Variants in RELN observed in about 807,000 individuals in gnomAD.
RELN encodes the protein reelin.
RELN carries 108 observed loss-of-function variants against 427.6 expected under a neutral mutation model. That is an observed-to-expected ratio of 0.25 (90% confidence interval 0.22 to 0.30). The LOEUF is 0.30. Among genes scored for constraint, RELN ranks in the 10% least tolerant of loss-of-function variants. The probability of loss-of-function intolerance (pLI) is 1.00; values close to 1 mark genes in which losing one functional copy is unlikely to be tolerated. For missense variants in RELN, 3,715 were observed against 4,302.8 expected, an observed-to-expected ratio of 0.86 and a Z score of 3.82; for synonymous variants, 1,524 against 1,513.4, an observed-to-expected ratio of 1.01 and a Z score of -0.16.
At chr7:103,604,002 A>AGTGG (rs138179727) in intron 23 of RELN, among the ~76,000 whole-genome samples, 3,180 of 152,220 alleles carry the variant, frequency 0.021, 45 homozygotes, top group Non-Finnish European at 0.03. Flanking sequence ...CTTCTGGTGA[A>AGTGG]GTGGTGTAAG....
intron 1 of RELN, among the ~76,000 whole-genome samples, chr7:103,984,840 A>T (rs1797064213): frequency 1.3e-5 from 2 of 152,214 alleles, no homozygotes; most frequent in South Asian, 4.1e-4. Context: ...TACTTTAGTA[A>T]TGGCAAATTA....
At chr7:103,711,650 C>T (rs903569417) in intron 8 of RELN, among the ~76,000 whole-genome samples, 4 of 152,028 alleles carry the variant, frequency 2.6e-5, no homozygotes, top group Non-Finnish European at 5.9e-5. Flanking sequence ...GCTATATTTA[C>T]ACACACAAAA....
chr7:103,701,065 CT>C, intron 8 of RELN, 59 bp from the exon 9 acceptor site: 1 of 945,936 alleles, frequency 1.1e-6, no homozygotes, highest in South Asian at 1.3e-5. Flanking sequence ...TACATATTAT[CT>C]TTTCTGATAA....
intron 6 of RELN, among the ~76,000 whole-genome samples, chr7:103,735,136 A>G (rs1490980662): frequency 6.6e-6 from 1 of 152,184 alleles, no homozygotes; most frequent in Non-Finnish European, 1.5e-5. Flanking sequence ...AAAAACTAGG[A>G]TCAAACCATA....
At chr7:103,739,046 C>A (rs1420496866) in intron 6 of RELN, among the ~76,000 whole-genome samples, 1 of 152,156 alleles carries the variant, frequency 6.6e-6, no homozygotes. Flanking sequence ...GACAATAATT[C>A]ATTCCTCTTT....
intron 2 of RELN, among the ~76,000 whole-genome samples, chr7:103,880,160 A>C (rs1302006373): frequency 6.6e-6 from 1 of 151,982 alleles, no homozygotes; most frequent in Non-Finnish European, 1.5e-5. Flanking sequence ...TGGCTGATTT[A>C]AGAAGCAGGT....
chr7:103,775,597 A>T (rs992756591), intron 4 of RELN, among the ~76,000 whole-genome samples: 1 of 152,210 alleles, frequency 6.6e-6, no homozygotes, highest in Admixed American at 6.5e-5. Flanking sequence ...TAATTCTAAA[A>T]GTTAACAAAT....
chr7:103,594,244 C>T (rs1831486616), intron 26 of RELN, 77 bp downstream of exon 26: 8 of 1,407,662 alleles, frequency 5.7e-6, no homozygotes, highest in Non-Finnish European at 8.1e-6. Context: ...AGCACTAAAT[C>T]CTTAAGGAAA....
Position 103,697,854 on chromosome 7 carries a change from T to G in RELN, c.1142A>C (p.Lys381Thr). ...CCAAAAACTAAAAAGAGCTCTAACCTTAACTGTAGCTCCTGGGAAGAAAAG... is the reference window on the plus strand; with the variant it reads ...CCAAAAACTAAAAAGAGCTCTAACCGTAACTGTAGCTCCTGGGAAGAAAAG... Reference protein sequence around the residue: ...NWLFFPGATVKHSCQSDGNSI... With the variant: ...NWLFFPGATVTHSCQSDGNSI... The change falls in exon 10 of 65, where the codon AAG becomes ACG. Residue 381 changes from lysine (K) to threonine (T), a missense_variant and splice_region_variant. By Grantham distance (78) the Lys-to-Thr change is moderately conservative. Transcript: ENST00000428762. 2.5e-6 allele frequency: 4 copies of G among 1,613,616 alleles called. No homozygotes were observed. The highest frequency in any genetic ancestry group is 3.4e-6 in the Non-Finnish European group (4 of 1,179,706).
Position 103,743,771 on chromosome 7 carries a change from G to A in RELN, c.656+5655C>T, listed in dbSNP as rs574348908. Among the ~76,000 whole-genome samples the A allele has an allele frequency of 6.1e-4, 93 of 152,146 alleles. 2 individuals carry two copies. The highest frequency in any genetic ancestry group is 2.2e-3 in the African/African-American group (92 of 41,502). On this transcript the variant is annotated intron_variant, in intron 6 of 64. Coordinates refer to ENST00000428762, the MANE Select transcript of RELN (RefSeq NM_005045.4). ...CACCCAGATTCATAAAGCAAGTCCT[G>A]AGTGACCTACAAAGAGACTTAGACT...
intron 10 of RELN, among the ~76,000 whole-genome samples, chr7:103,689,792 A>C (rs1232631086): frequency 6.9e-6 from 1 of 144,428 alleles, no homozygotes; most frequent in Non-Finnish European, 1.6e-5. Context: ...GCAGCTCTTG[A>C]TGATAACTTG....
At chr7:103,582,683 A>G (rs1161233891) in intron 28 of RELN, among the ~76,000 whole-genome samples, 2 of 152,192 alleles carry the variant, frequency 1.3e-5, no homozygotes, top group Non-Finnish European at 2.9e-5. Context: ...AGAGAGCACA[A>G]CCAGCTTATC....
At chr7:103,960,544 CAGA>C (rs1374195461) in intron 1 of RELN, among the ~76,000 whole-genome samples, 1 of 152,026 alleles carries the variant, frequency 6.6e-6, no homozygotes, top group Non-Finnish European at 1.5e-5. Context: ...TTGGTTATAA[CAGA>C]AGAACAGAAA....
intron 3 of RELN, among the ~76,000 whole-genome samples, chr7:103,790,685 C>T (rs1792139796): frequency 6.6e-6 from 1 of 152,068 alleles, no homozygotes; most frequent in South Asian, 2.1e-4. Flanking sequence ...AGAAAATAGG[C>T]AGGCGTGGTG....
chr7:103,792,531 C>G (rs1413511163), intron 3 of RELN, among the ~76,000 whole-genome samples: 1 of 68,538 alleles, frequency 1.5e-5, no homozygotes, highest in Admixed American at 2.1e-4. Flanking sequence ...TCTATAGCGA[C>G]AGAACATAGA....
At chr7:103,926,561 TTAATAA>T (rs1026802891) in intron 1 of RELN, among the ~76,000 whole-genome samples, 1 of 151,218 alleles carries the variant, frequency 6.6e-6, no homozygotes, top group Non-Finnish European at 1.5e-5. Flanking sequence ...TAGATCAACA[TTAATAA>T]TAATTGATAG....
intron 6 of RELN, among the ~76,000 whole-genome samples, chr7:103,741,138 C>A (rs1263588594): frequency 6.6e-6 from 1 of 152,098 alleles, no homozygotes; most frequent in Non-Finnish European, 1.5e-5. Flanking sequence ...AAACATGTAG[C>A]AAGAAAATAG....
chr7:103,909,238 G>A (rs1471607404), intron 2 of RELN, among the ~76,000 whole-genome samples: 2 of 152,084 alleles, frequency 1.3e-5, no homozygotes, highest in Non-Finnish European at 2.9e-5. Flanking sequence ...GCCCTGGGGA[G>A]TATGGGCCTT....
intron 4 of RELN, among the ~76,000 whole-genome samples, chr7:103,757,370 C>T (rs947097176): frequency 4.6e-5 from 7 of 152,094 alleles, no homozygotes; most frequent in Non-Finnish European, 7.4e-5. Flanking sequence ...CTAGATTGCT[C>T]GTATGTTTTT....
Sources: gnomAD v4.1 joint callset for allele counts (sites outside exome capture counted in the v4.1 genomes callset) on GRCh38, gnomAD v4.1.1 for gene constraint, MANE v1.5 for transcripts, NCBI Gene and HGNC (gene_info 2026-07-23, HGNC 2026-07-21) for gene names.